Variants in LSS observed in about 807,000 individuals in gnomAD.
LSS encodes lanosterol synthase.
In LSS, 90 loss-of-function variants were observed where a neutral mutation model predicts 110.3. That is an observed-to-expected ratio of 0.82 (90% CI 0.69 to 0.97). The LOEUF is 0.97. LSS is among the 50% of genes least tolerant of loss of function. The pLI, the probability that LSS is intolerant of heterozygous loss-of-function variation, is 0.00. For missense variants in LSS, 927 were observed against 990.0 expected (o/e 0.94, Z 0.85); for synonymous variants, 433 against 400.0 (o/e 1.08, Z -0.98).
At chr21:46,213,938 C>A in intron 9 of LSS, 103 bp from the exon 10 acceptor site, 1 of 793,402 alleles carries the variant, frequency 1.3e-6, no homozygotes, top group Non-Finnish European at 2.2e-6. Flanking sequence ...CATAAAGTGC[C>A]GTGCAGATCA....
At position 46,215,095 on chromosome 21, in the gene LSS, C is replaced by A. The variant is rs191622297; in HGVS notation, c.1011+85G>T. 24 of 1,152,920 alleles carry A rather than the reference C, an allele frequency of 2.1e-5. No homozygotes were observed. The African/African-American group carries it at 3.2e-4, about 15-fold the overall frequency. The allele number at this position is 1,152,920 out of a possible 1,614,324, so 71.4% of individuals were successfully genotyped here. A position where few individuals can be genotyped will look rare whatever the true frequency, so the allele number is the denominator to read the frequency against. On this transcript the variant is annotated intron_variant, in intron 9 of 21. Transcript: ENST00000397728. The stretch of plus-strand genomic sequence containing the variant: ...CACCAGGCTCCAGGAAACCCCACTC[C>A]CAGCTCACAGCCCGGCCTCTAGGAC...
intron 11 of LSS, among the ~76,000 whole-genome samples, chr21:46,212,429 AG>A (rs2080145836): frequency 6.6e-6 from 1 of 152,234 alleles, no homozygotes; most frequent in East Asian, 1.9e-4. Flanking sequence ...ACACGCACAG[AG>A]GGGCGCAGGC....
intron 16 of LSS, among the ~76,000 whole-genome samples, chr21:46,206,216 G>A (rs1365901553): frequency 1.3e-5 from 2 of 152,206 alleles, no homozygotes; most frequent in African/African-American, 2.4e-5. Context: ...TATGTGAGGT[G>A]CCCAGAGGTG....
At chr21:46,220,459 AG>A (rs1353999261) in intron 5 of LSS, 1 of 152,576 alleles carries the variant, frequency 6.6e-6, no homozygotes, top group African/African-American at 2.4e-5. Context: ...AGTGTGAGCC[AG>A]CGGGGCAGGA....
chr21:46,191,858 C>T (rs765309307), intron 21 of LSS, 23 bp downstream of exon 21: 16 of 1,603,998 alleles, frequency 1.0e-5, no homozygotes, highest in South Asian at 5.6e-5. Flanking sequence ...GGGCCTTGTG[C>T]GCTCAGGTCC....
rs2079907618 is a variant in LSS at position 46,196,201 on chromosome 21, C to T, written c.1736+1G>A. 2.5e-6 allele frequency: 4 copies of T among 1,613,964 alleles called. No homozygotes were observed. Among genetic ancestry groups the T allele is most frequent in the East Asian group, 2.2e-5 (1 of 44,896 alleles). On this transcript the variant is annotated splice_donor_variant, in intron 18 of 21. Coordinates refer to ENST00000397728, the MANE Select transcript of LSS (RefSeq NM_002340.6). LOFTEE classifies it high-confidence loss of function. ...GCACTCACGAGTGGAGGCTCACTCA[C>T]CCTTCCCAGGAGCCATCGGCCCTCT...
In LSS at chr21:46,216,246, G is replaced by A. The variant is rs530463603; in HGVS notation, c.783+143C>T. On this transcript the variant is annotated intron_variant, in intron 7 of 21. Transcript: ENST00000397728. The surrounding 1 kb of genome is among the most constrained non-coding windows in gnomAD (Gnocchi z 4.2). ...GCTCACTGTTTATTATAGGATGGAGGAAGGTGGAGGCTCTGCTCCACAGGG... is the reference window on the plus strand; with the variant it reads ...GCTCACTGTTTATTATAGGATGGAGAAAGGTGGAGGCTCTGCTCCACAGGG... 1.0e-5 allele frequency: 10 copies of A among 969,522 alleles called. No homozygotes were observed. The highest frequency in any genetic ancestry group is 7.2e-5 in the East Asian group (3 of 41,594). The allele number at this position is 969,522 out of a possible 1,614,324, so 60.1% of individuals were successfully genotyped here. A position where few individuals can be genotyped will look rare whatever the true frequency, so the allele number is the denominator to read the frequency against.
At chr21:46,211,463 T>C (rs962813430) in intron 11 of LSS, among the ~76,000 whole-genome samples, 16 of 152,038 alleles carry the variant, frequency 1.1e-4, no homozygotes, top group African/African-American at 3.9e-4. Context: ...CTGGAGGTGA[T>C]GGGAATTCTG....
chr21:46,202,139 A>T (rs2079986459), intron 17 of LSS, among the ~76,000 whole-genome samples: 1 of 137,386 alleles, frequency 7.3e-6, no homozygotes, highest in African/African-American at 2.6e-5. Context: ...TCACGCCTGT[A>T]ATCCCAGCAC....
Position 46,191,915 on chromosome 21 carries a change from A to T in LSS, c.2033T>A (p.Leu678His). Residue 678 changes from leucine (L) to histidine (H), a missense_variant, in exon 21 of 22, where the codon CTT becomes CAT. Transcript: ENST00000397728. The stretch of plus-strand genomic sequence containing the variant: ...GTCGCCATTGGGGAGCTGTTTCTCA[A>T]GTAGACACCGGACTCCTCTCTCCTG... ...EAQERGVRCL[L>H]EKQLPNGDWP... is the part of the protein sequence containing the mutation. 6.2e-7 allele frequency: 1 copy of T among 1,613,720 alleles called. No individual in the cohort carries two copies. Among genetic ancestry groups the T allele is most frequent in the Non-Finnish European group, 8.5e-7 (1 of 1,179,916 alleles).
chr21:46,213,866 G>T (rs766933443), intron 9 of LSS, 31 bp from the exon 10 acceptor site: 2 of 1,516,098 alleles, frequency 1.3e-6, no homozygotes, highest in Non-Finnish European at 1.8e-6. Flanking sequence ...TCAAGGCTCC[G>T]CTCCAGACCC....
intron 17 of LSS, among the ~76,000 whole-genome samples, chr21:46,196,797 C>T (rs541884031): frequency 4.6e-5 from 7 of 152,342 alleles, no homozygotes; most frequent in South Asian, 4.1e-4. Context: ...GTCCTGGGAC[C>T]GAGGTCTGTG....
chr21:46,205,979 C>G, intron 16 of LSS, 38 bp from the exon 17 acceptor site: 1 of 1,475,882 alleles, frequency 6.8e-7, no homozygotes, highest in Non-Finnish European at 9.3e-7. Context: ...TTGGGTTTCA[C>G]CCTGGCTGCC....
At chr21:46,204,443 C>T (rs1376465315) in intron 17 of LSS, among the ~76,000 whole-genome samples, 7 of 151,000 alleles carry the variant, frequency 4.6e-5, no homozygotes, top group Non-Finnish European at 7.4e-5. Context: ...AGGATGTCAG[C>T]GTTGGGCTCA....
At chr21:46,207,373 C>T (rs1175379332) in intron 15 of LSS, 55 bp downstream of exon 15, 1 of 1,592,628 alleles carries the variant, frequency 6.3e-7, no homozygotes, top group Non-Finnish European at 8.5e-7. Context: ...AGTGAGCACG[C>T]AGCTCATCTG....
chr21:46,218,485 G>T (rs572132087), intron 6 of LSS, among the ~76,000 whole-genome samples: 1 of 151,930 alleles, frequency 6.6e-6, no homozygotes, highest in Non-Finnish European at 1.5e-5. Context: ...TTAGCTGGGC[G>T]TGATGGCCTG....
chr21:46,213,883 G>T (rs1368999767), intron 9 of LSS, 48 bp from the exon 10 acceptor site: 2 of 1,348,526 alleles, frequency 1.5e-6, no homozygotes, highest in Admixed American at 1.8e-5. Context: ...ACCCACAGCA[G>T]CCTCCAGGGA....
intron 9 of LSS, 145 bp downstream of exon 9, chr21:46,215,035 T>C: frequency 1.4e-6 from 1 of 702,990 alleles, no homozygotes; most frequent in Non-Finnish European, 2.5e-6. Flanking sequence ...CTCAGACACT[T>C]GTGCGATCAG....
rs567437873 is a variant in LSS, at chr21:46,215,802, G to A, written c.784-9C>T. The A allele has an allele frequency of 3.2e-6, 5 of 1,581,262 alleles. No homozygotes were observed. Among genetic ancestry groups the A allele is most frequent in the African/African-American group, 2.7e-5 (2 of 74,136 alleles). ...TCCTCCACATAGAGCTCCTGGTGGG[G>A]GCAGTGTCTGAGCCTTGGGGCCTGG... is the stretch of plus-strand genomic sequence containing the variant. On this transcript the variant is annotated splice_polypyrimidine_tract_variant and intron_variant, in intron 7 of 21. Coordinates refer to ENST00000397728, the MANE Select transcript of LSS (RefSeq NM_002340.6).
Sources: allele counts gnomAD v4.1 joint callset (sites outside exome capture counted in the v4.1 genomes callset), GRCh38; gene constraint gnomAD v4.1.1; non-coding constraint Gnocchi (gnomAD v3.1); transcripts MANE v1.5; gene names NCBI Gene and HGNC (gene_info 2026-07-23, HGNC 2026-07-21).